The following CACNA1C variants were observed in gnomAD, a reference collection of about 807,000 sequenced individuals.
CACNA1C encodes calcium voltage-gated channel subunit alpha1 C.
In CACNA1C, 30 loss-of-function variants were observed where a neutral mutation model predicts 229.0. That is an observed-to-expected ratio of 0.13 (90% CI 0.10 to 0.18). CACNA1C has a LOEUF of 0.18. CACNA1C is among the 10% of genes least tolerant of loss of function. The pLI is 1.00. For missense variants in CACNA1C, 1,658 were observed against 2,845.0 expected (o/e 0.58, Z 9.49); for synonymous variants, 1,114 against 1,132.5 (o/e 0.98, Z 0.33).
At chr12:2,273,656 G>A (rs1257855056) in intron 3 of CACNA1C, among the ~76,000 whole-genome samples, 1 of 152,196 alleles carries the variant, frequency 6.6e-6, no homozygotes, top group Non-Finnish European at 1.5e-5. Context: ...GGGTAACTTG[G>A]CAAACAAAGC....
At chr12:2,569,082 C>G (rs2052910705) in intron 13 of CACNA1C, among the ~76,000 whole-genome samples, 1 of 152,162 alleles carries the variant, frequency 6.6e-6, no homozygotes, top group African/African-American at 2.4e-5. Flanking sequence ...GGACACTGCA[C>G]TGCAGATGGT....
At chr12:2,242,745 A>G (rs2071098070) in intron 3 of CACNA1C, among the ~76,000 whole-genome samples, 1 of 152,234 alleles carries the variant, frequency 6.6e-6, no homozygotes, top group African/African-American at 2.4e-5. Flanking sequence ...GTCTGCTTCC[A>G]GCCTCAGTTT....
At chr12:2,138,794 G>A (rs139491122) in intron 3 of CACNA1C, among the ~76,000 whole-genome samples, 3 of 151,038 alleles carry the variant, frequency 2.0e-5, no homozygotes, top group African/African-American at 4.8e-5. Context: ...AGCCAAATAC[G>A]CCTCTTTTCT....
At chr12:2,351,198 C>T (rs568879904) in intron 3 of CACNA1C, among the ~76,000 whole-genome samples, 1 of 152,358 alleles carries the variant, frequency 6.6e-6, no homozygotes, top group East Asian at 1.9e-4. Context: ...CCTCTACCCA[C>T]TGGGTACCAG....
chr12:2,171,170 G>C (rs1462544383), intron 3 of CACNA1C, among the ~76,000 whole-genome samples: 1 of 152,242 alleles, frequency 6.6e-6, no homozygotes, highest in Non-Finnish European at 1.5e-5. Flanking sequence ...GGGAAGGGCA[G>C]GGGCAGCCTG....
chr12:2,043,936 T>G (rs546919178), intron 1 of CACNA1C, among the ~76,000 whole-genome samples: 1 of 151,958 alleles, frequency 6.6e-6, no homozygotes, highest in African/African-American at 2.4e-5. Context: ...ATTACAGGCG[T>G]GAGCCACCGC....
intron 3 of CACNA1C, among the ~76,000 whole-genome samples, chr12:2,433,785 A>G (rs566123894): frequency 7.9e-5 from 12 of 152,282 alleles, no homozygotes; most frequent in African/African-American, 2.6e-4. Flanking sequence ...TTCCAGAGCC[A>G]CATGGACCAA....
chr12:2,658,164 A>T (rs979698025), intron 34 of CACNA1C, among the ~76,000 whole-genome samples: 1 of 152,206 alleles, frequency 6.6e-6, no homozygotes, highest in Non-Finnish European at 1.5e-5. Context: ...TTCTTTTTAA[A>T]CACCTCAGAA....
At chr12:2,239,639 G>A (rs534406507) in intron 3 of CACNA1C, among the ~76,000 whole-genome samples, 5 of 152,106 alleles carry the variant, frequency 3.3e-5, no homozygotes, top group African/African-American at 7.2e-5. Context: ...CGCCTCCCAC[G>A]CTGTCCCCCA....
In CACNA1C at chr12:1,971,397, C is replaced by T. The variant is rs1416395706; in HGVS notation, c.139+196C>T. ...TGGTTTATGCCGTTCTTTGGAAATT[C>T]TCAATTGAAAAAAAGTGATGTTTGA... On this transcript the variant is annotated intron_variant, in intron 1 of 46. Coordinates refer to the CACNA1C transcript ENST00000682462. This position sits in a 1 kb window ranked among gnomAD's most constrained non-coding sequence, Gnocchi z 4.2. Among the ~76,000 whole-genome samples, 1 of 152,098 alleles carries T rather than the reference C, an allele frequency of 6.6e-6. No homozygotes were observed. Among genetic ancestry groups the T allele is most frequent in the African/African-American group, 2.4e-5 (1 of 41,430 alleles).
rs142855674 is a variant in CACNA1C at position 2,352,857 on chromosome 12, A to G, written c.478-96119A>G. Among the ~76,000 whole-genome samples, 75 of 152,322 alleles carry G rather than the reference A, an allele frequency of 4.9e-4. No homozygotes were observed. In the East Asian group the frequency reaches 0.014, roughly 28 times the overall value. On this transcript the variant is annotated intron_variant, in intron 3 of 46. Coordinates refer to ENST00000399655, the MANE Select transcript of CACNA1C (RefSeq NM_000719.7). ...GCCCCTTTGACCTCCAGTGTTGCCA[A>G]TCTGTAAGACTGGATAATGATGTCA...
rs140682756 is a variant in CACNA1C, at chr12:2,618,593, A to G, written c.3828+6580A>G. Among the ~76,000 whole-genome samples the G allele has an allele frequency of 1.5e-3, 230 of 152,306 alleles. 1 individual carries two copies. Among genetic ancestry groups the G allele is most frequent in the African/African-American group, 5.4e-3 (224 of 41,584 alleles). ...GGCCAGAATTCCTCTAAAGACACCA[A>G]TGTGGCCACCTGAGGGGCCAGGGGA... On this transcript the variant is annotated intron_variant, in intron 29 of 46. Coordinates refer to ENST00000399655, the MANE Select transcript of CACNA1C (RefSeq NM_000719.7).
At position 2,608,608 on chromosome 12, in the gene CACNA1C, A is replaced by G; in HGVS notation, c.3454A>G (p.Ile1152Val). 6.2e-7 allele frequency: 1 copy of G among 1,613,440 alleles called. No individual in the cohort carries two copies. Among genetic ancestry groups the G allele is most frequent in the Non-Finnish European group, 8.5e-7 (1 of 1,179,376 alleles). Residue 1152 changes from isoleucine to valine, a missense_variant, in exon 27 of 47, where the codon ATC becomes GTC. This residue lies in a region of CACNA1C where 77 missense variants were observed against 130.9 expected (regional missense o/e 0.59). Transcript: ENST00000399655. This position sits in a 1 kb window ranked among gnomAD's most constrained non-coding sequence, Gnocchi z 4.2. ...ISIFFIIYII[I>V]IAFFMMNIFV... ...CATCTTCTTCATCATCTACATCATCATCATCGCCTTCTTCATGATGAACAT... is the reference window on the plus strand; with the variant it reads ...CATCTTCTTCATCATCTACATCATCGTCATCGCCTTCTTCATGATGAACAT...
At chr12:2,344,585 T>C (rs1173430975) in intron 3 of CACNA1C, among the ~76,000 whole-genome samples, 1 of 152,156 alleles carries the variant, frequency 6.6e-6, no homozygotes, top group African/African-American at 2.4e-5. Flanking sequence ...CAAAACCTCC[T>C]CCCTCAATAG....
chr12:2,316,897 G>C (rs2095718965), intron 3 of CACNA1C, among the ~76,000 whole-genome samples: 1 of 152,150 alleles, frequency 6.6e-6, no homozygotes, highest in African/African-American at 2.4e-5. Context: ...GTGAGACTTG[G>C]ACTGAATGAG....
At chr12:2,578,967 C>T (rs74792936) in intron 13 of CACNA1C, among the ~76,000 whole-genome samples, 9,752 of 152,186 alleles carry the variant, frequency 0.064, 369 homozygotes, top group Middle Eastern at 0.092. Context: ...GAGACTGGAT[C>T]TGTTCCTGGG....
intron 3 of CACNA1C, among the ~76,000 whole-genome samples, chr12:2,362,446 A>T (rs1486053940): frequency 6.6e-6 from 1 of 152,110 alleles, no homozygotes; most frequent in Non-Finnish European, 1.5e-5. Context: ...TTTTTGTGGC[A>T]CGCGGAAGTC....
At position 2,313,549 on chromosome 12, in the gene CACNA1C, G is replaced by A. The variant is rs542174070; in HGVS notation, c.478-135427G>A. Among the ~76,000 whole-genome samples the A allele has an allele frequency of 3.9e-4, 60 of 152,350 alleles. No homozygotes were observed. The South Asian group carries it at 0.012, about 31-fold the overall frequency. On this transcript the variant is annotated intron_variant, in intron 3 of 46. Transcript: ENST00000399655. The stretch of plus-strand genomic sequence containing the variant: ...AAAAAAGAGCATTCCTATAATCAGT[G>A]AGGATAAACTAAATGACAGTTTGGG...
intron 1 of CACNA1C, among the ~76,000 whole-genome samples, chr12:2,026,278 G>A (rs904352725): frequency 2.6e-5 from 4 of 152,238 alleles, no homozygotes; most frequent in Admixed American, 6.5e-5. Flanking sequence ...GTACTTATTG[G>A]CTCTGCTAAA....
Sources: gnomAD v4.1 joint callset for allele counts (sites outside exome capture counted in the v4.1 genomes callset) on GRCh38, gnomAD v4.1.1 for gene constraint, gnomAD v4.1.1 regional missense constraint, Gnocchi (gnomAD v3.1) non-coding constraint, MANE v1.5 for transcripts, NCBI Gene and HGNC (gene_info 2026-07-23, HGNC 2026-07-21) for gene names.